The following LHFPL3 variants were observed in gnomAD, a reference collection of about 807,000 sequenced individuals.
LHFPL3 encodes the protein LHFPL tetraspan subfamily member 3 protein.
In LHFPL3, 5 loss-of-function variants were observed where a neutral mutation model predicts 19.3. That is an observed-to-expected ratio of 0.26 (90% CI 0.14 to 0.54). LHFPL3 has a LOEUF of 0.54. LHFPL3 is among the 20% of genes least tolerant of loss of function. LHFPL3 has a pLI of 0.94. For synonymous variants in LHFPL3, 133 were observed against 126.2 expected, an observed-to-expected ratio of 1.05 and a Z score of -0.36; for missense variants, 249 against 307.4, an observed-to-expected ratio of 0.81 and a Z score of 1.42.
chr7:104,677,744 G>T (rs557230576), intron 1 of LHFPL3, among the ~76,000 whole-genome samples: 1 of 152,186 alleles, frequency 6.6e-6, no homozygotes, highest in Non-Finnish European at 1.5e-5. Flanking sequence ...TTGCAACATA[G>T]TTAGTACAAC....
chr7:104,791,704 C>G (rs1790027598), intron 2 of LHFPL3, among the ~76,000 whole-genome samples: 1 of 152,118 alleles, frequency 6.6e-6, no homozygotes, highest in South Asian at 2.1e-4. Context: ...TTCCACAGAT[C>G]AAAGAACAGG....
chr7:104,725,211 T>C (rs950453728), intron 1 of LHFPL3, among the ~76,000 whole-genome samples: 1 of 152,044 alleles, frequency 6.6e-6, no homozygotes, highest in African/African-American at 2.4e-5. Flanking sequence ...TAACTTAGAG[T>C]TTCCAGAAAT....
At chr7:104,820,879 A>G (rs1207438584) in intron 2 of LHFPL3, among the ~76,000 whole-genome samples, 1 of 152,128 alleles carries the variant, frequency 6.6e-6, no homozygotes, top group East Asian at 1.9e-4. Flanking sequence ...TTAACGCCTC[A>G]TCCAGTTTGT....
intron 1 of LHFPL3, among the ~76,000 whole-genome samples, chr7:104,615,552 C>A (rs913182275): frequency 5.9e-5 from 9 of 152,224 alleles, no homozygotes; most frequent in Admixed American, 5.2e-4. Flanking sequence ...ACTTTAAGTT[C>A]TAGGATACAT....
intron 1 of LHFPL3, among the ~76,000 whole-genome samples, chr7:104,424,997 AAAAAAAAAG>A (rs1333846542): frequency 4.0e-5 from 6 of 150,740 alleles, no homozygotes; most frequent in African/African-American, 1.5e-4. Flanking sequence ...AAAAAAAAAA[AAAAAAAAAG>A]AAGTATCTGA....
intron 1 of LHFPL3, among the ~76,000 whole-genome samples, chr7:104,701,803 A>G (rs116925109): frequency 1.3e-5 from 2 of 152,234 alleles, no homozygotes; most frequent in East Asian, 1.9e-4. Context: ...CAGTCGAAAA[A>G]TTTGCATCTT....
intron 1 of LHFPL3, among the ~76,000 whole-genome samples, chr7:104,671,106 G>A (rs908056872): frequency 5.9e-5 from 9 of 151,974 alleles, no homozygotes; most frequent in African/African-American, 1.2e-4. Context: ...TGGTTTATGC[G>A]TGCTGCAGCA....
chr7:104,468,188 C>G, intron 1 of LHFPL3, among the ~76,000 whole-genome samples: 1 of 152,220 alleles, frequency 6.6e-6, no homozygotes, highest in Admixed American at 6.5e-5. Context: ...TCTACCTCAA[C>G]TGGCTTGTAC....
rs549101185 is a variant in LHFPL3 at position 104,495,251 on chromosome 7, A to G, written c.445+166027A>G. Among the ~76,000 whole-genome samples, 68 of 152,202 alleles carry G rather than the reference A, an allele frequency of 4.5e-4. 1 individual carries two copies. Among genetic ancestry groups the G allele is most frequent in the Non-Finnish European group, 7.1e-4 (48 of 68,022 alleles). On this transcript the variant is annotated intron_variant, in intron 1 of 2. Transcript: ENST00000424859. ...GAGACAGAGTCTCACTCTGTTGCCA[A>G]CGTTGGAGTGCAGTGGCTCAGCCAT...
rs551331424 is a variant in LHFPL3 at position 104,399,556 on chromosome 7, G to A, written c.445+70332G>A. 3.4e-4 allele frequency among the ~76,000 whole-genome samples: 51 copies of A among 151,682 alleles called. No individual in the cohort carries two copies. The highest frequency in any genetic ancestry group is 5.7e-4 in the Non-Finnish European group (39 of 67,948). ...GGCTCAGTGCAACCTCTGGCTCCTGGGTTCAAGGAATTCTCCTGCCTCAGC... is the reference window on the plus strand; with the variant it reads ...GGCTCAGTGCAACCTCTGGCTCCTGAGTTCAAGGAATTCTCCTGCCTCAGC... On this transcript the variant is annotated intron_variant, in intron 1 of 2. Coordinates refer to ENST00000424859, the MANE Select transcript of LHFPL3 (RefSeq NM_199000.3). The surrounding 1 kb of genome is among the most constrained non-coding windows in gnomAD (Gnocchi z 4.4).
chr7:104,714,481 A>T (rs1312209181), intron 1 of LHFPL3, among the ~76,000 whole-genome samples: 1 of 152,174 alleles, frequency 6.6e-6, no homozygotes, highest in African/African-American at 2.4e-5. Flanking sequence ...GAAATAAAGA[A>T]AAAAAAGAAC....
At chr7:104,442,023 G>C (rs747203497) in intron 1 of LHFPL3, among the ~76,000 whole-genome samples, 4 of 151,642 alleles carry the variant, frequency 2.6e-5, no homozygotes, top group Non-Finnish European at 5.9e-5. Flanking sequence ...AGTGTGCAAG[G>C]GTTTCAATTT....
At chr7:104,502,098 A>T (rs1793606913) in intron 1 of LHFPL3, among the ~76,000 whole-genome samples, 1 of 152,224 alleles carries the variant, frequency 6.6e-6, no homozygotes, top group Non-Finnish European at 1.5e-5. Flanking sequence ...GAATCATCTA[A>T]CCTTTACATA....
intron 2 of LHFPL3, among the ~76,000 whole-genome samples, chr7:104,853,026 C>T (rs1465764847): frequency 1.3e-5 from 2 of 152,226 alleles, no homozygotes; most frequent in Admixed American, 6.5e-5. Context: ...CATAGTTGAA[C>T]GTACCCATCC....
intron 1 of LHFPL3, among the ~76,000 whole-genome samples, chr7:104,518,854 A>T (rs1219603630): frequency 1.4e-5 from 2 of 140,776 alleles, no homozygotes; most frequent in Non-Finnish European, 1.5e-5. Context: ...TAGAATAAAT[A>T]AAAAAACTGT....
intron 2 of LHFPL3, among the ~76,000 whole-genome samples, chr7:104,857,360 C>A (rs1456998813): frequency 4.6e-5 from 7 of 152,128 alleles, no homozygotes; most frequent in Admixed American, 1.3e-4. Flanking sequence ...ATTTCTACTC[C>A]AATAGTGATT....
At chr7:104,428,765 CA>C (rs1791895444) in intron 1 of LHFPL3, among the ~76,000 whole-genome samples, 1 of 152,066 alleles carries the variant, frequency 6.6e-6, no homozygotes, top group Non-Finnish European at 1.5e-5. Flanking sequence ...AAATGGATGA[CA>C]AAATATGTTT....
intron 2 of LHFPL3, among the ~76,000 whole-genome samples, chr7:104,774,230 C>T (rs1794606291): frequency 6.6e-6 from 1 of 152,202 alleles, no homozygotes; most frequent in Non-Finnish European, 1.5e-5. Context: ...TCTTCCTTCT[C>T]TTACAGAGCC....
At chr7:104,859,278 A>C (rs1040877999) in intron 2 of LHFPL3, among the ~76,000 whole-genome samples, 1 of 151,644 alleles carries the variant, frequency 6.6e-6, no homozygotes, top group Non-Finnish European at 1.5e-5. Flanking sequence ...AAAAAAAAAA[A>C]ACAAAAAACC....
Sources: gnomAD v4.1 joint callset for allele counts (sites outside exome capture counted in the v4.1 genomes callset) on GRCh38, gnomAD v4.1.1 for gene constraint, Gnocchi (gnomAD v3.1) non-coding constraint, MANE v1.5 for transcripts, NCBI Gene and HGNC (gene_info 2026-07-23, HGNC 2026-07-21) for gene names.